Variants in AGBL1 observed in about 807,000 individuals in gnomAD.
AGBL1 encodes the protein cytosolic carboxypeptidase 4.
Under a neutral mutation model 118.9 loss-of-function variants are expected in AGBL1, and 130 were observed. The ratio of observed to expected loss-of-function variants is 1.09; its 90% CI spans 0.95 to 1.26. The LOEUF is 1.26. Among genes scored for constraint, AGBL1 ranks in the 50% most tolerant of loss-of-function variants. AGBL1 has a pLI of 0.00. For synonymous variants in AGBL1, 555 were observed against 478.9 expected (o/e 1.16, Z -2.08); for missense variants, 1,584 against 1,298.1 (o/e 1.22, Z -3.38).
intron 18 of AGBL1, among the ~76,000 whole-genome samples, chr15:86,480,851 T>C (rs1247024388): frequency 6.6e-6 from 1 of 152,028 alleles, no homozygotes; most frequent in Non-Finnish European, 1.5e-5. Flanking sequence ...AGGCTAAGAA[T>C]ATTTAGGCAA....
chr15:86,438,657 C>CTTTT (rs35937855), intron 18 of AGBL1, among the ~76,000 whole-genome samples: 11 of 131,620 alleles, frequency 8.4e-5, no homozygotes, highest in African/African-American at 1.4e-4. Flanking sequence ...TAATCTGTCT[C>CTTTT]TTTTTTTTTT....
At chr15:86,966,571 T>C (rs535927141) in intron 23 of AGBL1, among the ~76,000 whole-genome samples, 10 of 151,958 alleles carry the variant, frequency 6.6e-5, no homozygotes, top group East Asian at 1.9e-4. Flanking sequence ...TGAGAACATG[T>C]GGTGTTTGGT....
intron 18 of AGBL1, among the ~76,000 whole-genome samples, chr15:86,422,954 C>T (rs1435984945): frequency 1.3e-5 from 2 of 152,076 alleles, no homozygotes; most frequent in Non-Finnish European, 2.9e-5. Context: ...GATAGCTTAC[C>T]AACCAAAAAC....
chr15:86,340,760 G>A (rs1460041242), intron 17 of AGBL1, among the ~76,000 whole-genome samples: 2 of 152,152 alleles, frequency 1.3e-5, no homozygotes, highest in African/African-American at 4.8e-5. Flanking sequence ...GGGATGCCAC[G>A]GTTACTGCCA....
chr15:86,672,028 C>T (rs571738410), intron 21 of AGBL1, among the ~76,000 whole-genome samples: 4 of 152,076 alleles, frequency 2.6e-5, no homozygotes, highest in Admixed American at 2.0e-4. Flanking sequence ...GCTGTGATAG[C>T]GCCACTGTAC....
intron 3 of AGBL1, 54 bp downstream of exon 3, chr15:86,143,899 A>T (rs2141653862): frequency 6.3e-7 from 1 of 1,581,526 alleles, no homozygotes; most frequent in South Asian, 1.2e-5. Context: ...TAGGGTTGTT[A>T]TCATGAGTGC....
chr15:86,591,147 T>C (rs574942673), intron 21 of AGBL1, among the ~76,000 whole-genome samples: 1 of 152,350 alleles, frequency 6.6e-6, no homozygotes, highest in East Asian at 1.9e-4. Flanking sequence ...TGTGATTGTT[T>C]TCTCATTGTT....
intron 22 of AGBL1, among the ~76,000 whole-genome samples, chr15:86,810,387 TCCAAAGA>T (rs769206482): frequency 6.6e-6 from 1 of 152,082 alleles, no homozygotes; most frequent in Non-Finnish European, 1.5e-5. Flanking sequence ...ACCTTCTAGG[TCCAAAGA>T]CATGAAATTG....
At chr15:86,785,661 C>T (rs749542483) in intron 22 of AGBL1, among the ~76,000 whole-genome samples, 7 of 152,116 alleles carry the variant, frequency 4.6e-5, no homozygotes, top group Non-Finnish European at 7.3e-5. Context: ...AGCCACCATG[C>T]TCGGCCCGAG....
At chr15:87,025,310 A>C (rs560462106) in intron 24 of AGBL1, among the ~76,000 whole-genome samples, 1 of 152,090 alleles carries the variant, frequency 6.6e-6, no homozygotes, top group South Asian at 2.1e-4. Flanking sequence ...ATGTACACAA[A>C]TCAGTAGCTC....
At chr15:86,155,428 T>G (rs2077175092) in intron 4 of AGBL1, among the ~76,000 whole-genome samples, 1 of 152,168 alleles carries the variant, frequency 6.6e-6, no homozygotes, top group Admixed American at 6.5e-5. Context: ...CCAGCCTGGG[T>G]GACAGAGTGA....
chr15:86,863,418 A>G (rs1296854777), intron 22 of AGBL1, among the ~76,000 whole-genome samples: 3 of 152,172 alleles, frequency 2.0e-5, no homozygotes, highest in Non-Finnish European at 4.4e-5. Flanking sequence ...CTCAGGCTCT[A>G]GATTCAAGCC....
At chr15:86,730,963 G>A (rs1327691123) in intron 22 of AGBL1, among the ~76,000 whole-genome samples, 1 of 152,022 alleles carries the variant, frequency 6.6e-6, no homozygotes, top group African/African-American at 2.4e-5. Flanking sequence ...GAGTAGCTGG[G>A]ATTACAGGCA....
chr15:86,702,532 C>T (rs527432132), intron 22 of AGBL1, among the ~76,000 whole-genome samples: 1 of 152,174 alleles, frequency 6.6e-6, no homozygotes, highest in African/African-American at 2.4e-5. Flanking sequence ...TCCTCCTTTC[C>T]CATCCACTCC....
At chr15:86,686,753 T>C (rs1020306303) in intron 22 of AGBL1, among the ~76,000 whole-genome samples, 4 of 152,132 alleles carry the variant, frequency 2.6e-5, no homozygotes, top group Non-Finnish European at 5.9e-5. Flanking sequence ...TTTTTATTCA[T>C]ATGAATTTTT....
intron 21 of AGBL1, among the ~76,000 whole-genome samples, chr15:86,599,146 T>C (rs994949745): frequency 7.2e-5 from 11 of 152,174 alleles, no homozygotes; most frequent in African/African-American, 2.7e-4. Flanking sequence ...TTTACCTAGT[T>C]TTACTTAGTT....
chr15:86,821,441 T>C (rs2078942523), intron 22 of AGBL1, among the ~76,000 whole-genome samples: 5 of 152,222 alleles, frequency 3.3e-5, no homozygotes, highest in Admixed American at 2.6e-4. Flanking sequence ...GAACAACATT[T>C]TGGTCTTCGT....
chr15:86,196,879 G>GCGCGCGCACACACA lies in AGBL1; in HGVS notation c.489-28034_489-28033insGCGCGCACACACAC, dbSNP rs756313941. ...CGAATGTGCACATGTGCGCGCGCGCGCACACACACACACACACACACACAC... is the reference window on the plus strand; with the variant it reads ...CGAATGTGCACATGTGCGCGCGCGCGCGCGCGCACACACACACACACACACACACACACACACAC... On this transcript the variant is annotated intron_variant, in intron 5 of 22. Transcript: ENST00000614907. Among the ~76,000 whole-genome samples the GCGCGCGCACACACA allele has an allele frequency of 4.0e-3, 463 of 116,944 alleles. 6 individuals are homozygous for GCGCGCGCACACACA. The highest frequency in any genetic ancestry group is 0.012 in the African/African-American group (335 of 27,606). 76.7% of individuals were successfully genotyped at this position (116,944 alleles called of 152,430 possible). A position where few individuals can be genotyped will look rare whatever the true frequency, so the allele number is the denominator to read the frequency against.
At chr15:86,117,913 T>A (rs1183151816) in intron 1 of AGBL1, among the ~76,000 whole-genome samples, 1 of 152,214 alleles carries the variant, frequency 6.6e-6, no homozygotes, top group Non-Finnish European at 1.5e-5. Flanking sequence ...TATGTGTAAC[T>A]CCATTAGTGA....
Sources: gnomAD v4.1 joint callset for allele counts (sites outside exome capture counted in the v4.1 genomes callset) on GRCh38, gnomAD v4.1.1 for gene constraint, MANE v1.5 for transcripts, NCBI Gene and HGNC (gene_info 2026-07-23, HGNC 2026-07-21) for gene names.